The following STAG2 variants were observed in gnomAD, a reference collection of about 807,000 sequenced individuals.
STAG2 encodes the protein STAG2 cohesin complex component.
Under a neutral mutation model 108.1 loss-of-function variants are expected in STAG2, and 14 were observed. That is an observed-to-expected ratio of 0.13 (90% CI 0.09 to 0.20). The LOEUF is 0.20. Ranked by LOEUF, STAG2 falls within the 10% of genes least tolerant of loss-of-function variation. The pLI, the probability that STAG2 is intolerant of heterozygous loss-of-function variation, is 1.00. For synonymous variants in STAG2, 307 were observed against 302.7 expected, an observed-to-expected ratio of 1.01 and a Z score of -0.15; for missense variants, 440 against 940.9, an observed-to-expected ratio of 0.47 and a Z score of 6.96.
Position 124,009,443 on chromosome X carries a change from G to GTAGATAGA in STAG2, c.-162-11897_-162-11890dup, listed in dbSNP as rs1160208021. Among the ~76,000 whole-genome samples, 181 of 63,587 alleles carry GTAGATAGA rather than the reference G, an allele frequency of 2.8e-3. 3 individuals are homozygous for GTAGATAGA. Among genetic ancestry groups the GTAGATAGA allele is most frequent in the Middle Eastern group, 0.016 (2 of 126 alleles). 55.2% of individuals were successfully genotyped at this position (63,587 alleles called of 115,157 possible). On this transcript the variant is annotated intron_variant, in intron 1 of 34. Coordinates refer to ENST00000371145, the MANE Select transcript of STAG2 (RefSeq NM_001042750.2). ...GGTAGGTAGGTAGGTAGGTAGGTAG[G>GTAGATAGA]TAGATAGATAGATAGATAGATAGAT... is the stretch of plus-strand genomic sequence containing the variant.
chrX:124,092,263 CG>C (rs761920616), intron 32 of STAG2, among the ~76,000 whole-genome samples: 1 of 111,610 alleles, frequency 9.0e-6, no homozygotes, highest in East Asian at 2.8e-4. Flanking sequence ...CTCTATTACA[CG>C]TATAGATTCT....
chrX:124,088,170 ATC>A (rs924260214), intron 30 of STAG2, among the ~76,000 whole-genome samples: 142 of 110,819 alleles, frequency 1.3e-3, no homozygotes, highest in African/African-American at 4.3e-3. Context: ...GGGCCATCAA[ATC>A]TCTCTCTCTC....
chrX:124,063,321 C>A lies in STAG2; in HGVS notation c.1821+116C>A, dbSNP rs1447096530. On this transcript the variant is annotated intron_variant, in intron 19 of 34. Transcript: ENST00000371145. ...TTGGAACGTATTTTAAGAAAGGAAA[C>A]CTATAGCTTAGGTCTTCTGTACTTT... 5 of 558,727 alleles carry A rather than the reference C, an allele frequency of 8.9e-6. No individual in the cohort carries two copies. The South Asian group carries it at 1.4e-4, about 16-fold the overall frequency. The allele number at this position is 558,727 out of a possible 1,213,427, so 46.0% of individuals were successfully genotyped here.
At position 124,003,502 on chromosome X, in the gene STAG2, C is replaced by G. The variant is rs199428; in HGVS notation, c.-162-17865C>G. ...AATGGCGTGATCTCAGCTCACTGCA[C>G]CCTCCACCTTCCGGGTTCAAGCGAT... On this transcript the variant is annotated intron_variant, in intron 1 of 34. Coordinates refer to ENST00000371145, the MANE Select transcript of STAG2 (RefSeq NM_001042750.2). The G allele has an allele frequency of 1.0e-4, 11 of 108,450 alleles. No homozygotes were observed. The East Asian group carries it at 2.7e-3, about 26-fold the overall frequency. 8.9% of individuals were successfully genotyped at this position (108,450 alleles called of 1,213,427 possible).
rs1239710365 is a variant in STAG2 at position 124,042,609 on chromosome X, T to C, written c.426T>C (p.Ser142=). The C allele has an allele frequency of 2.5e-6, 3 of 1,201,051 alleles. No individual in the cohort carries two copies. The African/African-American group carries it at 5.3e-5, about 21-fold the overall frequency. The change falls in exon 7 of 35, where the codon TCT becomes TCC. Residue 142 remains serine (S), a synonymous_variant. Coordinates refer to ENST00000371145, the MANE Select transcript of STAG2 (RefSeq NM_001042750.2). ...TAEMFRHMQN[S]EIIRKMTEEF... ...AAATGTTTAGACATATGCAGAACTC[T>C]GAGATAATTCGAAAAATGACTGAAG...
chrX:124,031,552 TTTTTTTTG>T (rs202078029), intron 5 of STAG2, among the ~76,000 whole-genome samples: 14,543 of 76,975 alleles, frequency 0.19, 1,100 homozygotes, highest in South Asian at 0.34. Flanking sequence ...TGTTTGTTTG[TTTTTTTTG>T]TTTTTTTGTT....
In STAG2 at chrX:123,966,909, G is replaced by GT. The variant is rs764572746; in HGVS notation, c.-163+5057dup. Among the ~76,000 whole-genome samples, 205 of 111,838 alleles carry GT rather than the reference G, an allele frequency of 1.8e-3. 1 individual carries two copies. Among genetic ancestry groups the GT allele is most frequent in the Middle Eastern group, 4.6e-3 (1 of 219 alleles). ...AGATTTATTTATTTTTTGAGACGGA[G>GT]TTTTGCTCTTGTTGCCCAGGCTGGA... On this transcript the variant is annotated intron_variant, in intron 1 of 34. Transcript: ENST00000371145.
chrX:124,056,852 A>G (rs2058219948), intron 14 of STAG2, among the ~76,000 whole-genome samples: 1 of 104,243 alleles, frequency 9.6e-6, no homozygotes, highest in Non-Finnish European at 2.0e-5. Flanking sequence ...TTACCCTTTT[A>G]TTACCTGCTT....
Position 124,061,214 on chromosome X carries a change from T to A in STAG2, c.1417-10T>A. On this transcript the variant is annotated splice_polypyrimidine_tract_variant and intron_variant, in intron 15 of 34. Coordinates refer to ENST00000371145, the MANE Select transcript of STAG2 (RefSeq NM_001042750.2). ...TTGTCTAAGACCACATTGCTCTTTT[T>A]AAATTTTAGTTACATGAGCATGCAG... 8.5e-7 allele frequency: 1 copy of A among 1,173,299 alleles called. No homozygotes were observed. The highest frequency in any genetic ancestry group is 1.1e-6 in the Non-Finnish European group (1 of 870,183).
chrX:123,964,828 A>T (rs1401728836), intron 1 of STAG2, among the ~76,000 whole-genome samples: 1 of 110,514 alleles, frequency 9.0e-6, no homozygotes, highest in African/African-American at 3.3e-5. Flanking sequence ...TGATATGTAA[A>T]ATATTTCAAT....
At position 124,101,012 on chromosome X, in the gene STAG2, C is replaced by G. The variant is rs906754774; in HGVS notation, c.*415C>G. 9.5e-5 allele frequency: 15 copies of G among 157,807 alleles called. No individual in the cohort carries two copies. Among genetic ancestry groups the G allele is most frequent in the African/African-American group, 4.6e-4 (15 of 32,450 alleles). 13.0% of individuals were successfully genotyped at this position (157,807 alleles called of 1,213,427 possible). On this transcript the variant is annotated 3_prime_UTR_variant, in exon 35 of 35. Coordinates refer to ENST00000371145, the MANE Select transcript of STAG2 (RefSeq NM_001042750.2). ...TGGATTTCTGTTTACATCCAGAAAA[C>G]AATGTTAAGGATGTATTTATTCCCC...
intron 32 of STAG2, among the ~76,000 whole-genome samples, chrX:124,092,288 A>G (rs1031356391): frequency 1.8e-5 from 2 of 111,705 alleles, no homozygotes; most frequent in African/African-American, 6.5e-5. Context: ...CCTGGTTAAT[A>G]TGGTCATCAT....
Position 124,014,677 on chromosome X carries a change from T to G in STAG2, c.-162-6690T>G, listed in dbSNP as rs189812238. ...CACCCGGCCTGTCCTTTATATTATT[T>G]TTAAAGTTTGTAAATATAGATTTCC... is the stretch of plus-strand genomic sequence containing the variant. On this transcript the variant is annotated intron_variant, in intron 1 of 34. Coordinates refer to ENST00000371145, the MANE Select transcript of STAG2 (RefSeq NM_001042750.2). Among the ~76,000 whole-genome samples, 27 of 111,099 alleles carry G rather than the reference T, an allele frequency of 2.4e-4. No individual in the cohort carries two copies. In the East Asian group the frequency reaches 6.2e-3, roughly 26 times the overall value.
intron 15 of STAG2, among the ~76,000 whole-genome samples, chrX:124,059,573 T>C (rs777970046): frequency 1.1e-4 from 12 of 112,444 alleles, no homozygotes; most frequent in Non-Finnish European, 2.1e-4. Flanking sequence ...TGAATGACTT[T>C]TTAAATGTTG....
chrX:124,077,380 T>C (rs1382183794), intron 26 of STAG2, among the ~76,000 whole-genome samples: 2 of 111,390 alleles, frequency 1.8e-5, no homozygotes, highest in Non-Finnish European at 3.8e-5. Flanking sequence ...ATAATTGTTA[T>C]TGTACGTGTT....
At chrX:123,969,589 C>T (rs1328846957) in intron 1 of STAG2, among the ~76,000 whole-genome samples, 2 of 110,660 alleles carry the variant, frequency 1.8e-5, no homozygotes, top group Non-Finnish European at 3.8e-5. Context: ...TAGTTAATAT[C>T]AGGGCCCCAA....
intron 4 of STAG2, among the ~76,000 whole-genome samples, 191 bp from the exon 5 acceptor site, chrX:124,030,770 A>C (rs1372415896): frequency 9.0e-6 from 1 of 111,409 alleles, no homozygotes; most frequent in African/African-American, 3.3e-5. Flanking sequence ...CATGTGAGGC[A>C]TGGTAGTATA....
chrX:123,966,051 C>T (rs186108043), intron 1 of STAG2, among the ~76,000 whole-genome samples: 1 of 110,571 alleles, frequency 9.0e-6, no homozygotes, highest in East Asian at 2.8e-4. Context: ...AATGGAGTAC[C>T]GTTTTGGGAG....
chrX:124,087,964 A>C (rs904093782), intron 30 of STAG2, among the ~76,000 whole-genome samples: 2 of 112,374 alleles, frequency 1.8e-5, no homozygotes, highest in Non-Finnish European at 3.8e-5. Flanking sequence ...CCAACATCAC[A>C]GTTGATGGGG....
Sources: gnomAD v4.1 joint callset for allele counts (sites outside exome capture counted in the v4.1 genomes callset) on GRCh38, gnomAD v4.1.1 for gene constraint, MANE v1.5 for transcripts, NCBI Gene and HGNC (gene_info 2026-07-23, HGNC 2026-07-21) for gene names.